Variants in FGGY observed in about 807,000 individuals in gnomAD.
The protein encoded by FGGY is FGGY carbohydrate kinase domain containing.
In FGGY, 72 loss-of-function variants were observed where a neutral mutation model predicts 71.3. That is an observed-to-expected ratio of 1.01 (90% CI 0.84 to 1.23). The LOEUF (loss-of-function observed/expected upper bound fraction) is 1.23. Ranked by LOEUF, FGGY falls within the 50% of genes most tolerant of loss-of-function variation. The probability of loss-of-function intolerance (pLI) is 0.00; values close to 1 mark genes in which losing one functional copy is unlikely to be tolerated. For missense variants in FGGY, 668 were observed against 682.3 expected (o/e 0.98, Z 0.23); for synonymous variants, 251 against 250.3 (o/e 1.00, Z -0.02).
intron 6 of FGGY, among the ~76,000 whole-genome samples, chr1:59,491,508 A>G (rs2093862210): frequency 6.6e-6 from 1 of 151,678 alleles, no homozygotes; most frequent in Non-Finnish European, 1.5e-5. Context: ...TTTTTCATCT[A>G]GTTTGTTGTT....
At chr1:59,585,372 T>C (rs1015060354) in intron 8 of FGGY, among the ~76,000 whole-genome samples, 14 of 152,152 alleles carry the variant, frequency 9.2e-5, no homozygotes, top group Non-Finnish European at 1.6e-4. Context: ...ACCACACATC[T>C]ACAACCATCT....
At chr1:59,616,790 C>A (rs182824606) in intron 9 of FGGY, among the ~76,000 whole-genome samples, 29 of 151,982 alleles carry the variant, frequency 1.9e-4, no homozygotes, top group African/African-American at 7.0e-4. Flanking sequence ...AGGCTTGTTT[C>A]CAATCTCAGT....
Position 59,373,968 on chromosome 1 carries a change from A to G in FGGY, c.466-4781A>G, listed in dbSNP as rs2058190125. Among the ~76,000 whole-genome samples, 8 of 152,350 alleles carry G rather than the reference A, an allele frequency of 5.3e-5. 1 individual carries two copies. Among genetic ancestry groups the G allele is most frequent in the African/African-American group, 1.9e-4 (8 of 41,584 alleles). ...TAAAAACCCTAGAAGAAACCCAGGC[A>G]ATACCATTCAGGACATAGGCATGGG... On this transcript the variant is annotated intron_variant, in intron 4 of 15. Coordinates refer to ENST00000303721, the MANE Select transcript of FGGY (RefSeq NM_018291.5).
intron 6 of FGGY, among the ~76,000 whole-genome samples, chr1:59,457,962 C>T (rs1293223907): frequency 1.3e-5 from 2 of 152,142 alleles, no homozygotes; most frequent in Non-Finnish European, 2.9e-5. Flanking sequence ...ATATATTTCT[C>T]ACAACTACTG....
At chr1:59,376,150 G>A (rs1174560727) in intron 4 of FGGY, among the ~76,000 whole-genome samples, 1 of 152,230 alleles carries the variant, frequency 6.6e-6, no homozygotes, top group African/African-American at 2.4e-5. Context: ...TCTGACTGTG[G>A]CTTGTTAGAT....
intron 15 of FGGY, among the ~76,000 whole-genome samples, chr1:59,761,591 T>G (rs1477681616): frequency 2.0e-5 from 3 of 152,196 alleles, no homozygotes; most frequent in Non-Finnish European, 4.4e-5. Context: ...CTATTATTCC[T>G]TTCAGGATTA....
intron 13 of FGGY, among the ~76,000 whole-genome samples, chr1:59,673,153 G>A (rs2097397826): frequency 6.6e-6 from 1 of 152,208 alleles, no homozygotes; most frequent in Admixed American, 6.5e-5. Context: ...TTGGAGGGGA[G>A]ACAGACATTA....
chr1:59,683,384 A>C (rs1237902860), intron 14 of FGGY, among the ~76,000 whole-genome samples: 1 of 152,170 alleles, frequency 6.6e-6, no homozygotes, highest in Non-Finnish European at 1.5e-5. Context: ...CCAAGAAATA[A>C]AGCAGGGTTG....
chr1:59,354,218 C>G (rs2053847511), intron 4 of FGGY, among the ~76,000 whole-genome samples: 1 of 152,132 alleles, frequency 6.6e-6, no homozygotes, highest in Admixed American at 6.5e-5. Context: ...ACTGGGACTA[C>G]AGGCACACAC....
intron 5 of FGGY, among the ~76,000 whole-genome samples, chr1:59,406,811 G>A (rs931828353): frequency 3.9e-5 from 6 of 152,022 alleles, no homozygotes. Flanking sequence ...ACCTCAATCT[G>A]TGTGTATATG....
At chr1:59,442,362 A>G (rs1308537779) in intron 5 of FGGY, among the ~76,000 whole-genome samples, 1 of 152,190 alleles carries the variant, frequency 6.6e-6, no homozygotes, top group Non-Finnish European at 1.5e-5. Flanking sequence ...TGGTTTCTGC[A>G]TCTTGATCCC....
rs749418014 is a variant in FGGY at position 59,346,318 on chromosome 1, A to G, written c.385A>G (p.Thr129Ala). 4 of 1,612,404 alleles carry G rather than the reference A, an allele frequency of 2.5e-6. No homozygotes were observed. Among genetic ancestry groups the G allele is most frequent in the South Asian group, 2.2e-5 (2 of 91,010 alleles). ...AVSQVNRINE[T>A]KHSVLQYVGG... ...CAGTCAAGTTAACAGGATCAATGAGACCAAGCACAGTGTCCTCCAGTACGT... is the reference window on the plus strand; with the variant it reads ...CAGTCAAGTTAACAGGATCAATGAGGCCAAGCACAGTGTCCTCCAGTACGT... The change falls in exon 4 of 16, where the codon ACC becomes GCC. Residue 129 changes from threonine to alanine, a missense_variant. Coordinates refer to ENST00000303721, the MANE Select transcript of FGGY (RefSeq NM_018291.5).
intron 7 of FGGY, among the ~76,000 whole-genome samples, chr1:59,518,769 C>T (rs1033745599): frequency 1.3e-5 from 2 of 152,144 alleles, no homozygotes; most frequent in African/African-American, 4.8e-5. Context: ...CCCCAGAAGC[C>T]GAGCAGACAC....
chr1:59,567,165 C>G (rs935272671), intron 8 of FGGY, among the ~76,000 whole-genome samples: 1 of 152,156 alleles, frequency 6.6e-6, no homozygotes, highest in Non-Finnish European at 1.5e-5. Flanking sequence ...GGAGATACAG[C>G]ATATAAACCA....
At chr1:59,485,171 A>C (rs991741291) in intron 6 of FGGY, among the ~76,000 whole-genome samples, 2 of 152,224 alleles carry the variant, frequency 1.3e-5, no homozygotes, top group Non-Finnish European at 2.9e-5. Flanking sequence ...GCATGTTACC[A>C]GTAGTCCAGA....
chr1:59,332,456 T>C (rs988310611), intron 2 of FGGY, among the ~76,000 whole-genome samples: 6 of 152,210 alleles, frequency 3.9e-5, no homozygotes, highest in African/African-American at 1.4e-4. Flanking sequence ...GACAGTCATC[T>C]TTCTGGGATG....
At chr1:59,300,151 A>G (rs906281778) in intron 1 of FGGY, among the ~76,000 whole-genome samples, 1 of 152,168 alleles carries the variant, frequency 6.6e-6, no homozygotes, top group Admixed American at 6.5e-5. Context: ...CATCCAGTAA[A>G]CTACGTATTG....
chr1:59,346,194 A>G lies in FGGY; in HGVS notation c.314-53A>G, dbSNP rs1363171592. On this transcript the variant is annotated intron_variant, in intron 3 of 15. Coordinates refer to ENST00000303721, the MANE Select transcript of FGGY (RefSeq NM_018291.5). ...TGGGAATCCATAATTGTTCCCTTGAATTAGAAGGAAGAGAATGTGTGTCCA... is the reference window on the plus strand; with the variant it reads ...TGGGAATCCATAATTGTTCCCTTGAGTTAGAAGGAAGAGAATGTGTGTCCA... 14 of 1,601,460 alleles carry G rather than the reference A, an allele frequency of 8.7e-6. No homozygotes were observed. The South Asian group carries it at 1.6e-4, about 18-fold the overall frequency.
chr1:59,712,093 G>A (rs1405163628), intron 14 of FGGY, among the ~76,000 whole-genome samples: 1 of 152,212 alleles, frequency 6.6e-6, no homozygotes, highest in South Asian at 2.1e-4. Context: ...TACAGGCATT[G>A]GGTAAATACA....
Sources: allele counts gnomAD v4.1 joint callset (sites outside exome capture counted in the v4.1 genomes callset), GRCh38; gene constraint gnomAD v4.1.1; transcripts MANE v1.5; gene names NCBI Gene and HGNC (gene_info 2026-07-23, HGNC 2026-07-21).